The following GSG1L2 variants were observed in gnomAD, a reference collection of about 807,000 sequenced individuals.
GSG1L2 encodes GSG1 like 2, also known as germ cell-specific gene 1-like protein 2.
Under a neutral mutation model 9.0 loss-of-function variants are expected in GSG1L2, and 15 were observed. The observed-to-expected ratio is 1.67, with a 90% CI of 1.12 to 2.57. The LOEUF (loss-of-function observed/expected upper bound fraction) is 2.57. Ranked by LOEUF, GSG1L2 falls within the 30% of genes most tolerant of loss-of-function variation. The probability of loss-of-function intolerance (pLI) is 0.00; values close to 1 mark genes in which losing one functional copy is unlikely to be tolerated. For synonymous variants in GSG1L2, 127 were observed against 57.9 expected, an observed-to-expected ratio of 2.19 and a Z score of -5.41; for missense variants, 286 against 150.3, an observed-to-expected ratio of 1.90 and a Z score of -4.72.
At position 9,816,432 on chromosome 17, in the gene GSG1L2, GTC is replaced by G. The variant is rs779986874; in HGVS notation, c.310+5328_310+5329del. 6.1e-4 allele frequency among the ~76,000 whole-genome samples: 88 copies of G among 143,864 alleles called. No individual in the cohort carries two copies. The South Asian group carries it at 6.7e-3, about 11-fold the overall frequency. 94.4% of individuals were successfully genotyped at this position (143,864 alleles called of 152,430 possible). ...TGTGTGTGTCTGTGTGTGTGCGTGT[GTC>G]TCTCTGTGTGCGTGTGTCTGTGTGT... On this transcript the variant is annotated intron_variant, in intron 1 of 4. Transcript: ENST00000399363.
chr17:9,810,665 C>T, intron 1 of GSG1L2, 47 bp from the exon 2 acceptor site: 1 of 702,574 alleles, frequency 1.4e-6, no homozygotes, highest in Non-Finnish European at 2.6e-6. Flanking sequence ...CACTTCACAA[C>T]CAGGGGGCAA....
chr17:9,816,427 CGTGTGTCTCTCTGTGTGCGT>C (rs1567711183), intron 1 of GSG1L2, among the ~76,000 whole-genome samples: 3 of 100,048 alleles, frequency 3.0e-5, no homozygotes, highest in East Asian at 3.1e-4. Flanking sequence ...TGTGTGTGTG[CGTGTGTCTCTCTGTGTGCGT>C]GTGTCTGTGT....
chr17:9,812,138 G>A (rs773691007), intron 1 of GSG1L2, among the ~76,000 whole-genome samples: 65 of 152,120 alleles, frequency 4.3e-4, no homozygotes, highest in Non-Finnish European at 7.8e-4. Flanking sequence ...TTTTGCAGTG[G>A]TTAGCATGAA....
intron 1 of GSG1L2, 69 bp downstream of exon 1, chr17:9,821,693 A>G: frequency 3.0e-6 from 2 of 673,594 alleles, no homozygotes; most frequent in Non-Finnish European, 5.4e-6. Flanking sequence ...TCAAACCCAG[A>G]CAGCCTGGCT....
At chr17:9,809,069 A>G (rs956978635) in intron 2 of GSG1L2, 87 bp from the exon 3 acceptor site, 5 of 661,478 alleles carry the variant, frequency 7.6e-6, no homozygotes, top group South Asian at 1.6e-5. Context: ...GTTCACTTCT[A>G]AACAAAACAT....
At chr17:9,803,794 G>A (rs1227226816) in intron 4 of GSG1L2, 1 of 152,232 alleles carries the variant, frequency 6.6e-6, no homozygotes, top group African/African-American at 2.4e-5. Context: ...TGAGGAAACT[G>A]AGACACAGAA....
intron 1 of GSG1L2, among the ~76,000 whole-genome samples, chr17:9,821,057 A>G (rs4791367): frequency 0.29 from 44,431 of 152,076 alleles, 12,614 homozygotes; most frequent in African/African-American, 0.74. Flanking sequence ...TAGAAACTCC[A>G]GAAAAAGTTA....
intron 3 of GSG1L2, 26 bp downstream of exon 3, chr17:9,808,804 G>T (rs1195953628): frequency 1.4e-6 from 1 of 702,328 alleles, no homozygotes; most frequent in South Asian, 1.5e-5. Flanking sequence ...GGGGCAGCCT[G>T]TTCCAAGGAT....
chr17:9,816,680 TGTG>T (rs2066565404), intron 1 of GSG1L2, among the ~76,000 whole-genome samples: 1 of 146,198 alleles, frequency 6.8e-6, no homozygotes, highest in Non-Finnish European at 1.5e-5. Context: ...TGTCTGTGTG[TGTG>T]TGTCTGTGTA....
At chr17:9,809,616 ATTTTACAGAGTGCTGATTGGTGCG>A (rs1288267089) in intron 2 of GSG1L2, 1 of 151,606 alleles carries the variant, frequency 6.6e-6, no homozygotes, top group African/African-American at 2.7e-5. Context: ...TGATTGGTGC[ATTTTACAGAGTGCTGATTGGTGCG>A]TTTTACAGAG....
chr17:9,819,891 G>A (rs772653033), intron 1 of GSG1L2, among the ~76,000 whole-genome samples: 53 of 151,842 alleles, frequency 3.5e-4, no homozygotes, highest in Admixed American at 7.9e-4. Context: ...GGGATTACAG[G>A]TGTGAGCCAC....
rs368929461 is a variant in GSG1L2, at chr17:9,820,265, A to G, written c.310+1497T>C. 6.6e-6 allele frequency among the ~76,000 whole-genome samples: 1 copy of G among 152,200 alleles called. No homozygotes were observed. Among genetic ancestry groups the G allele is most frequent in the East Asian group, 1.9e-4 (1 of 5,190 alleles). On this transcript the variant is annotated intron_variant, in intron 1 of 4. Transcript: ENST00000399363. This position sits in a 1 kb window ranked among gnomAD's most constrained non-coding sequence, Gnocchi z 4.9. ...GCCTATATAGAGCTGTGGAAACAGA[A>G]GTACTATAGGCAGTCCTCATATGAG...
chr17:9,812,266 T>C (rs2066542176), intron 1 of GSG1L2, among the ~76,000 whole-genome samples: 1 of 152,172 alleles, frequency 6.6e-6, no homozygotes, highest in African/African-American at 2.4e-5. Flanking sequence ...TTCAAGAATT[T>C]TTTTTTCTTT....
At chr17:9,816,205 A>G (rs190733934) in intron 1 of GSG1L2, among the ~76,000 whole-genome samples, 112 of 152,368 alleles carry the variant, frequency 7.4e-4, no homozygotes, top group African/African-American at 2.7e-3. Context: ...AGAATGGACA[A>G]CGACAGAAGT....
intron 1 of GSG1L2, 56 bp from the exon 2 acceptor site, chr17:9,810,674 A>G (rs1341007471): frequency 1.4e-6 from 1 of 702,368 alleles, no homozygotes; most frequent in African/African-American, 1.7e-5. Context: ...ACCAGGGGGC[A>G]AATGGTGAAT....
rs78098552 is a variant in GSG1L2 at position 9,801,847 on chromosome 17, A to G, written c.*539T>C. Among the ~76,000 whole-genome samples the G allele has an allele frequency of 3.8e-3, 586 of 152,336 alleles. 2 individuals carry two copies. The highest frequency in any genetic ancestry group is 0.013 in the African/African-American group (558 of 41,582). ...TATGAGTAGAAACACAAAATTTCCA[A>G]GAAAAAATATTTTAAAAAATAACAG... On this transcript the variant is annotated 3_prime_UTR_variant, in exon 5 of 5. Transcript: ENST00000399363.
chr17:9,820,193 T>G lies in GSG1L2; in HGVS notation c.310+1569A>C, dbSNP rs2066583533. On this transcript the variant is annotated intron_variant, in intron 1 of 4. Transcript: ENST00000399363. This position sits in a 1 kb window ranked among gnomAD's most constrained non-coding sequence, Gnocchi z 4.9. ...ACCTCCAGGACTGGGCACCTGGATA[T>G]TTCTTTTACAAGTTCCTTGGGTGAT... is the stretch of plus-strand genomic sequence containing the variant. Among the ~76,000 whole-genome samples, 1 of 152,194 alleles carries G rather than the reference T, an allele frequency of 6.6e-6. No homozygotes were observed. Among genetic ancestry groups the G allele is most frequent in the South Asian group, 2.1e-4 (1 of 4,828 alleles).
chr17:9,807,916 G>C, intron 3 of GSG1L2: 1 of 255,436 alleles, frequency 3.9e-6, no homozygotes, highest in South Asian at 5.7e-5. Flanking sequence ...AGGGAGGTAG[G>C]CATGGTGGCA....
At chr17:9,821,103 G>A (rs543949067) in intron 1 of GSG1L2, among the ~76,000 whole-genome samples, 1 of 152,360 alleles carries the variant, frequency 6.6e-6, no homozygotes, top group African/African-American at 2.4e-5. Context: ...AATAAGCTGA[G>A]GTCAGGAAAG....
Sources: gnomAD v4.1 joint callset for allele counts (sites outside exome capture counted in the v4.1 genomes callset) on GRCh38, gnomAD v4.1.1 for gene constraint, Gnocchi (gnomAD v3.1) non-coding constraint, MANE v1.5 for transcripts, NCBI Gene and HGNC (gene_info 2026-07-23, HGNC 2026-07-21) for gene names.